THSD7A: variants seen among roughly 807,000 people sequenced by gnomAD.
THSD7A encodes thrombospondin type 1 domain containing 7A.
A neutral mutation model predicts 231.3 loss-of-function variants in THSD7A; 96 were observed. The observed-to-expected ratio is 0.41, with a 90% CI of 0.35 to 0.49. The LOEUF (loss-of-function observed/expected upper bound fraction) is 0.49, where lower values mean the gene tolerates loss of function less well. THSD7A is among the 20% of genes least tolerant of loss of function. THSD7A has a pLI of 0.05. For missense variants in THSD7A, 2,290 were observed against 2,070.2 expected (o/e 1.11, Z -2.06); for synonymous variants, 940 against 743.3 (o/e 1.26, Z -4.30).
At chr7:11,735,314 G>A (rs1244198311) in intron 1 of THSD7A, among the ~76,000 whole-genome samples, 1 of 151,790 alleles carries the variant, frequency 6.6e-6, no homozygotes, top group Non-Finnish European at 1.5e-5. Flanking sequence ...ATTACAGGTT[G>A]AGCATCCCTA....
chr7:11,725,795 T>G (rs759803040), intron 1 of THSD7A, among the ~76,000 whole-genome samples: 1 of 151,792 alleles, frequency 6.6e-6, no homozygotes, highest in African/African-American at 2.4e-5. Flanking sequence ...TGAACCAAAC[T>G]GTAGATTCAG....
chr7:11,822,348 T>C (rs2128187418), intron 1 of THSD7A, among the ~76,000 whole-genome samples: 1 of 152,264 alleles, frequency 6.6e-6, no homozygotes, highest in Admixed American at 6.5e-5. Context: ...GACCTCTAGT[T>C]CTATCCACAT....
chr7:11,387,202 T>C (rs1464664634), intron 23 of THSD7A, among the ~76,000 whole-genome samples: 2 of 152,222 alleles, frequency 1.3e-5, no homozygotes, highest in Non-Finnish European at 2.9e-5. Flanking sequence ...GGGCTCTTTT[T>C]TTGTTCCAGA....
At chr7:11,820,877 C>G in intron 1 of THSD7A, 1 of 901,266 alleles carries the variant, frequency 1.1e-6, no homozygotes, top group Non-Finnish European at 1.8e-6. Context: ...ACCTTTCCCT[C>G]GAGTGGCTGG....
At chr7:11,687,523 GACTGAAGAAAA>G (rs1032773143) in intron 1 of THSD7A, among the ~76,000 whole-genome samples, 4 of 151,820 alleles carry the variant, frequency 2.6e-5, no homozygotes, top group African/African-American at 9.7e-5. Flanking sequence ...CTCAGTAGAA[GACTGAAGAAAA>G]ACATCTTGCT....
At chr7:11,795,069 T>C (rs1221670143) in intron 1 of THSD7A, among the ~76,000 whole-genome samples, 1 of 151,856 alleles carries the variant, frequency 6.6e-6, no homozygotes, top group African/African-American at 2.4e-5. Context: ...TACAGGTGAG[T>C]TGTTTTTTAA....
intron 14 of THSD7A, among the ~76,000 whole-genome samples, chr7:11,428,336 T>C (rs763117043): frequency 6.6e-6 from 1 of 152,142 alleles, no homozygotes; most frequent in Admixed American, 6.5e-5. Flanking sequence ...TTATCTCTAA[T>C]AGAACAGAAC....
chr7:11,678,441 G>A (rs550391141), intron 1 of THSD7A, among the ~76,000 whole-genome samples: 2 of 152,076 alleles, frequency 1.3e-5, no homozygotes, highest in African/African-American at 2.4e-5. Context: ...AAAATAGATA[G>A]ACCGCTAGCC....
At chr7:11,723,455 C>T (rs904910494) in intron 1 of THSD7A, among the ~76,000 whole-genome samples, 1 of 151,468 alleles carries the variant, frequency 6.6e-6, no homozygotes, top group Non-Finnish European at 1.5e-5. Context: ...TGCACATGTA[C>T]CCTAAAACTT....
chr7:11,820,893 C>T, intron 1 of THSD7A: 1 of 889,790 alleles, frequency 1.1e-6, no homozygotes, highest in Non-Finnish European at 1.8e-6. Flanking sequence ...GCTGGAGTCT[C>T]GGGAATTCAC....
chr7:11,436,029 T>C (rs748447704), intron 13 of THSD7A, among the ~76,000 whole-genome samples: 1 of 152,110 alleles, frequency 6.6e-6, no homozygotes, highest in Non-Finnish European at 1.5e-5. Context: ...GTTTATATTT[T>C]ACTTATTCAA....
rs1171664913 is a variant in THSD7A at position 11,554,843 on chromosome 7, A to AT, written c.1454-11727dup. Among the ~76,000 whole-genome samples the AT allele has an allele frequency of 6.6e-5, 10 of 151,372 alleles. No homozygotes were observed. The East Asian group carries it at 1.6e-3, about 24-fold the overall frequency. ...TTGTGGTAGGTTGCAATTTATTTTGATTTTTTTATTCTTCCCATGTAGTCT... is the reference window on the plus strand; with the variant it reads ...TTGTGGTAGGTTGCAATTTATTTTGATTTTTTTTATTCTTCCCATGTAGTCT... On this transcript the variant is annotated intron_variant, in intron 4 of 27. Transcript: ENST00000423059.
intron 1 of THSD7A, among the ~76,000 whole-genome samples, chr7:11,780,243 C>A (rs947850045): frequency 1.3e-5 from 2 of 152,118 alleles, no homozygotes; most frequent in Non-Finnish European, 2.9e-5. Flanking sequence ...ATGGGCCCAC[C>A]TTTTAATACC....
chr7:11,787,643 G>A (rs1352280905), intron 1 of THSD7A, among the ~76,000 whole-genome samples: 2 of 152,018 alleles, frequency 1.3e-5, no homozygotes, highest in Non-Finnish European at 2.9e-5. Flanking sequence ...TGGCAAATAA[G>A]CATATGAAAG....
At chr7:11,707,739 G>T (rs1194551142) in intron 1 of THSD7A, among the ~76,000 whole-genome samples, 1 of 150,828 alleles carries the variant, frequency 6.6e-6, no homozygotes, top group Non-Finnish European at 1.5e-5. Context: ...GTACACTCTC[G>T]TTTCCATATC....
intron 6 of THSD7A, among the ~76,000 whole-genome samples, chr7:11,529,138 T>C (rs1355119990): frequency 6.6e-6 from 1 of 152,166 alleles, no homozygotes; most frequent in Non-Finnish European, 1.5e-5. Context: ...ATTGCTACAA[T>C]ACTTTTTATA....
intron 4 of THSD7A, among the ~76,000 whole-genome samples, chr7:11,552,708 T>C (rs1203614847): frequency 6.6e-6 from 1 of 152,116 alleles, no homozygotes; most frequent in Non-Finnish European, 1.5e-5. Flanking sequence ...ATGTTTAAAA[T>C]GGCAACCCCA....
chr7:11,815,931 G>A (rs552894888), intron 1 of THSD7A, among the ~76,000 whole-genome samples: 3 of 151,900 alleles, frequency 2.0e-5, no homozygotes, highest in South Asian at 2.1e-4. Context: ...CTGGAAACAT[G>A]CCATTTAATT....
chr7:11,623,232 G>C (rs986052018), intron 2 of THSD7A, among the ~76,000 whole-genome samples: 5 of 152,114 alleles, frequency 3.3e-5, no homozygotes, highest in Admixed American at 6.6e-5. Flanking sequence ...TTTGCAGGGA[G>C]AGAACATGAG....
Sources: allele counts gnomAD v4.1 joint callset (sites outside exome capture counted in the v4.1 genomes callset), GRCh38; gene constraint gnomAD v4.1.1; transcripts MANE v1.5; gene names NCBI Gene and HGNC (gene_info 2026-07-23, HGNC 2026-07-21).